Variants in HGSNAT observed in about 807,000 individuals in gnomAD.
HGSNAT encodes heparan-alpha-glucosaminide N-acetyltransferase, also known as transmembrane protein 76.
Under a neutral mutation model 85.2 loss-of-function variants are expected in HGSNAT, and 59 were observed. The ratio of observed to expected loss-of-function variants is 0.69; its 90% CI spans 0.56 to 0.86. The LOEUF is 0.86. Among genes scored for constraint, HGSNAT ranks in the 40% least tolerant of loss-of-function variants. The pLI, the probability that HGSNAT is intolerant of heterozygous loss-of-function variation, is 0.00. For missense variants in HGSNAT, 756 were observed against 777.1 expected (o/e 0.97, Z 0.32); for synonymous variants, 321 against 304.5 (o/e 1.05, Z -0.56).
At chr8:43,186,813 A>G (rs1804329979) in intron 11 of HGSNAT, among the ~76,000 whole-genome samples, 1 of 152,138 alleles carries the variant, frequency 6.6e-6, no homozygotes, top group Admixed American at 6.6e-5. Context: ...ACTGCTCTAA[A>G]TGTGTCCTGG....
intron 1 of HGSNAT, 113 bp downstream of exon 1, chr8:43,140,727 G>GC: frequency 5.4e-6 from 2 of 367,556 alleles, no homozygotes; most frequent in South Asian, 9.2e-5. Context: ...GGCCGGAACC[G>GC]CCCCCGTGGC....
At chr8:43,147,226 G>A (rs1044226897) in intron 2 of HGSNAT, among the ~76,000 whole-genome samples, 163 bp downstream of exon 2, 1 of 152,220 alleles carries the variant, frequency 6.6e-6, no homozygotes, top group Non-Finnish European at 1.5e-5. Context: ...AGGGGAGGAT[G>A]CCTAGGAATG....
At chr8:43,173,619 C>T in intron 8 of HGSNAT, 94 bp from the exon 9 acceptor site, 1 of 1,381,594 alleles carries the variant, frequency 7.2e-7, no homozygotes, top group South Asian at 1.2e-5. Context: ...CCTGGGTTTA[C>T]TTTCTATACC....
intron 9 of HGSNAT, among the ~76,000 whole-genome samples, chr8:43,177,004 C>A (rs1418134595): frequency 6.6e-6 from 1 of 152,210 alleles, no homozygotes; most frequent in Non-Finnish European, 1.5e-5. Context: ...GGTACTTTGA[C>A]TTCCTCCTTT....
Position 43,188,461 on chromosome 8 carries a change from C to T in HGSNAT, c.1129-3013C>T, listed in dbSNP as rs144670548. On this transcript the variant is annotated intron_variant, in intron 11 of 17. Transcript: ENST00000379644. ...GCTACTGAAGCTTGTGCATGCATCACGTAGTTCTTGTGCCACAGTTTTCAG... is the reference window on the plus strand; with the variant it reads ...GCTACTGAAGCTTGTGCATGCATCATGTAGTTCTTGTGCCACAGTTTTCAG... Among the ~76,000 whole-genome samples, 697 of 152,280 alleles carry T rather than the reference C, an allele frequency of 4.6e-3. 3 individuals are homozygous for T. Among genetic ancestry groups the T allele is most frequent in the Non-Finnish European group, 6.8e-3 (465 of 68,030 alleles).
rs1465935790 is a variant in HGSNAT at position 43,140,606 on chromosome 8, C to G, written c.110C>G (p.Pro37Arg). 1.6e-6 allele frequency: 2 copies of G among 1,234,998 alleles called. No individual in the cohort carries two copies. The highest frequency in any genetic ancestry group is 2.0e-6 in the Non-Finnish European group (2 of 980,730). The allele number at this position is 1,234,998 out of a possible 1,614,324, so 76.5% of individuals were successfully genotyped here. Residue 37 changes from proline to arginine, a missense_variant, in exon 1 of 18, where the codon CCG (proline) becomes CGG (arginine). Coordinates refer to ENST00000379644, the MANE Select transcript of HGSNAT (RefSeq NM_152419.3). ...GSSGRDAQAAPPRDLDKKRHA... is the reference protein window; with the variant it reads ...GSSGRDAQAARPRDLDKKRHA... ...TCGGGGCGCGATGCCCAGGCCGCGC[C>G]GCCACGAGGTGAGTGCACACCTCCT...
At chr8:43,168,304 T>A (rs9657192) in intron 5 of HGSNAT, among the ~76,000 whole-genome samples, 112,777 of 151,366 alleles carry the variant, frequency 0.75, 44,329 homozygotes, top group Non-Finnish European at 0.88. Context: ...CTTTCAACTT[T>A]TCCCAGTGTG....
intron 1 of HGSNAT, 24 bp downstream of exon 1, chr8:43,140,638 G>C (rs1313911483): frequency 8.8e-7 from 1 of 1,139,982 alleles, no homozygotes; most frequent in South Asian, 2.5e-5. Flanking sequence ...TCCTACCGCC[G>C]CCCGGCCGGC....
chr8:43,159,172 A>G, intron 4 of HGSNAT, 128 bp downstream of exon 4: 1 of 800,530 alleles, frequency 1.2e-6, no homozygotes, highest in Non-Finnish European at 1.9e-6. Context: ...TAGGTCATTG[A>G]TGAGCACCAC....
chr8:43,194,162 C>T, intron 14 of HGSNAT: 1 of 989,276 alleles, frequency 1.0e-6, no homozygotes. Flanking sequence ...TTTTGGGAAG[C>T]CAAGGCAGGA....
chr8:43,189,095 G>A (rs1390922981), intron 11 of HGSNAT, among the ~76,000 whole-genome samples: 4 of 152,220 alleles, frequency 2.6e-5, no homozygotes, highest in Non-Finnish European at 5.9e-5. Context: ...ACCCACTTGA[G>A]GAGGCAGTCT....
At chr8:43,160,936 T>A (rs1014687949) in intron 4 of HGSNAT, among the ~76,000 whole-genome samples, 3 of 152,324 alleles carry the variant, frequency 2.0e-5, no homozygotes, top group South Asian at 2.1e-4. Flanking sequence ...GTTTGGTGTT[T>A]TCTCATGAAT....
At chr8:43,181,096 AGGG>A (rs1804083992) in intron 10 of HGSNAT, among the ~76,000 whole-genome samples, 1 of 184 alleles carries the variant, frequency 5.4e-3, no homozygotes, top group Non-Finnish European at 0.014. Flanking sequence ...GGAGAGGGAG[AGGG>A]AGAGGGAGAG....
chr8:43,185,956 G>A (rs538071294), intron 11 of HGSNAT, among the ~76,000 whole-genome samples: 2 of 152,260 alleles, frequency 1.3e-5, no homozygotes, highest in African/African-American at 4.8e-5. Flanking sequence ...ATTTGCATAT[G>A]TTGAACCAGC....
intron 10 of HGSNAT, among the ~76,000 whole-genome samples, chr8:43,180,111 C>G (rs866135096): frequency 7.7e-6 from 1 of 129,874 alleles, no homozygotes; most frequent in South Asian, 2.4e-4. Flanking sequence ...GACCCCCCCC[C>G]CCACCGCCTC....
chr8:43,175,158 A>C (rs1217337001), intron 9 of HGSNAT, among the ~76,000 whole-genome samples: 1 of 152,114 alleles, frequency 6.6e-6, no homozygotes, highest in Admixed American at 6.6e-5. Context: ...CTGCTTCCAG[A>C]TCTTGGCTAT....
chr8:43,184,032 T>C (rs1804223789), intron 11 of HGSNAT, among the ~76,000 whole-genome samples: 1 of 152,234 alleles, frequency 6.6e-6, no homozygotes, highest in African/African-American at 2.4e-5. Flanking sequence ...ATCCAGTCTA[T>C]CATTGTTGGG....
Position 43,172,321 on chromosome 8 carries a change from T to C in HGSNAT, c.755T>C (p.Ile252Thr). Residue 252 changes from isoleucine (I) to threonine (T), a missense_variant, in exon 8 of 18, where the codon ATA (isoleucine) becomes ACA (threonine). Ile to Thr is a moderately conservative substitution (Grantham distance 89, BLOSUM62 -1). Transcript: ENST00000379644. The part of the protein sequence containing the change: ...SVDTFRGIAL[I>T]LMVFVNYGGG... ...TTGGCTTCTTCTAGGATTGCTCTTATACTCATGGTCTTTGTCAATTATGGA... is the reference window on the plus strand; with the variant it reads ...TTGGCTTCTTCTAGGATTGCTCTTACACTCATGGTCTTTGTCAATTATGGA... 1.2e-6 allele frequency: 2 copies of C among 1,611,330 alleles called. No individual in the cohort carries two copies. The highest frequency in any genetic ancestry group is 8.5e-7 in the Non-Finnish European group (1 of 1,177,410).
At chr8:43,192,910 T>C (rs77491293) in intron 13 of HGSNAT, among the ~76,000 whole-genome samples, 2,061 of 152,256 alleles carry the variant, frequency 0.014, 44 homozygotes, top group African/African-American at 0.046. Flanking sequence ...GATCAGGCAG[T>C]CCTTGCGGGG....
Sources: gnomAD v4.1 joint callset for allele counts (sites outside exome capture counted in the v4.1 genomes callset) on GRCh38, gnomAD v4.1.1 for gene constraint, MANE v1.5 for transcripts, NCBI Gene and HGNC (gene_info 2026-07-23, HGNC 2026-07-21) for gene names.